ASIC2: variants seen among roughly 807,000 people sequenced by gnomAD.
ASIC2 encodes acid-sensing ion channel 2.
Under a neutral mutation model 57.3 loss-of-function variants are expected in ASIC2, and 25 were observed. The ratio of observed to expected loss-of-function variants is 0.44; its 90% CI spans 0.32 to 0.61. The LOEUF is 0.61. Among genes scored for constraint, ASIC2 ranks in the 20% least tolerant of loss-of-function variants. The pLI, the probability that ASIC2 is intolerant of heterozygous loss-of-function variation, is 0.06. For synonymous variants in ASIC2, 319 were observed against 307.5 expected (o/e 1.04, Z -0.39); for missense variants, 641 against 738.1 (o/e 0.87, Z 1.52).
At chr17:33,710,483 C>T (rs1342203891) in intron 1 of ASIC2, among the ~76,000 whole-genome samples, 1 of 152,216 alleles carries the variant, frequency 6.6e-6, no homozygotes, top group African/African-American at 2.4e-5. Flanking sequence ...TAGGTTGTGG[C>T]ACCTGTGGAC....
chr17:33,858,908 G>T (rs2141922245), intron 1 of ASIC2, among the ~76,000 whole-genome samples: 1 of 152,330 alleles, frequency 6.6e-6, no homozygotes, highest in African/African-American at 2.4e-5. Flanking sequence ...TCCCTACTCA[G>T]CCACATGAGT....
intron 1 of ASIC2, among the ~76,000 whole-genome samples, chr17:34,057,453 T>A (rs952563329): frequency 2.6e-5 from 4 of 151,974 alleles, no homozygotes; most frequent in African/African-American, 7.3e-5. Flanking sequence ...GCAGTAGAGG[T>A]GTGAGTGCCT....
intron 1 of ASIC2, among the ~76,000 whole-genome samples, chr17:33,471,707 C>G (rs1039577): frequency 2.0e-5 from 3 of 152,090 alleles, no homozygotes; most frequent in African/African-American, 7.2e-5. Context: ...AATATCTAAG[C>G]ATAACACAAG....
chr17:33,920,330 G>A (rs1915682015), intron 1 of ASIC2, among the ~76,000 whole-genome samples: 1 of 152,150 alleles, frequency 6.6e-6, no homozygotes. Context: ...AGATGGACTA[G>A]ATAAAGAAAA....
intron 1 of ASIC2, among the ~76,000 whole-genome samples, chr17:33,593,742 AG>A (rs1157640500): frequency 6.6e-6 from 1 of 152,212 alleles, no homozygotes; most frequent in Non-Finnish European, 1.5e-5. Flanking sequence ...AAGGGTAATA[AG>A]TAATTTTGAA....
At chr17:33,530,971 A>G (rs1915033282) in intron 1 of ASIC2, among the ~76,000 whole-genome samples, 1 of 152,206 alleles carries the variant, frequency 6.6e-6, no homozygotes. Flanking sequence ...CCATTTTACC[A>G]GTAGATAAGC....
intron 1 of ASIC2, among the ~76,000 whole-genome samples, chr17:34,023,378 A>AACACAC (rs59456457): frequency 0.016 from 2,401 of 147,534 alleles, 31 homozygotes; most frequent in East Asian, 0.063. Flanking sequence ...CTCTGTCACA[A>AACACAC]ACACACACAC....
Position 33,954,133 on chromosome 17 carries a change from A to G in ASIC2, c.555+201845T>C, listed in dbSNP as rs1904662255. On this transcript the variant is annotated intron_variant, in intron 1 of 9. Coordinates refer to the ASIC2 transcript ENST00000359872. ...AACTGTCCAGAGTTAACAACCAAGA[A>G]TGAGACAGGTTGGAACCCCAGGCTA... is the stretch of plus-strand genomic sequence containing the variant. 2.0e-5 allele frequency among the ~76,000 whole-genome samples: 3 copies of G among 152,224 alleles called. 1 individual carries two copies. The South Asian group carries it at 6.2e-4, about 32-fold the overall frequency.
intron 1 of ASIC2, among the ~76,000 whole-genome samples, chr17:33,114,637 G>A (rs1309743853): frequency 6.6e-6 from 1 of 152,174 alleles, no homozygotes; most frequent in African/African-American, 2.4e-5. Flanking sequence ...TGTGATCTTG[G>A]CCCTGCCAAA....
At chr17:34,086,109 T>C (rs1910104184) in intron 1 of ASIC2, among the ~76,000 whole-genome samples, 2 of 149,318 alleles carry the variant, frequency 1.3e-5, no homozygotes, top group African/African-American at 2.5e-5. Flanking sequence ...CTTGCTTTTC[T>C]AGTTCTTTTA....
At chr17:33,142,504 A>G (rs756707838) in intron 1 of ASIC2, among the ~76,000 whole-genome samples, 1 of 152,218 alleles carries the variant, frequency 6.6e-6, no homozygotes, top group Non-Finnish European at 1.5e-5. Context: ...TTGAACTCAT[A>G]GCAGGTCAAT....
chr17:34,001,300 T>G (rs1906331816), intron 1 of ASIC2: 1 of 152,534 alleles, frequency 6.6e-6, no homozygotes, highest in Non-Finnish European at 1.5e-5. Flanking sequence ...TGGGTGGGCT[T>G]GCTGCTGGAG....
chr17:34,054,431 T>C (rs751815238), intron 1 of ASIC2, among the ~76,000 whole-genome samples: 1 of 152,210 alleles, frequency 6.6e-6, no homozygotes, highest in African/African-American at 2.4e-5. Context: ...ATAGTGCTTT[T>C]TTCAAGCAAT....
chr17:33,736,220 A>G (rs1273657930), intron 1 of ASIC2, among the ~76,000 whole-genome samples: 7 of 151,978 alleles, frequency 4.6e-5, no homozygotes, highest in Non-Finnish European at 8.8e-5. Context: ...TCCTCCCACA[A>G]TGAGAGAAAA....
intron 1 of ASIC2, among the ~76,000 whole-genome samples, chr17:33,748,070 G>A (rs1910320556): frequency 6.6e-6 from 1 of 152,244 alleles, no homozygotes; most frequent in Non-Finnish European, 1.5e-5. Flanking sequence ...ACTTGCTAGA[G>A]AGCGCACGCC....
At chr17:33,351,675 C>A (rs1198828539) in intron 1 of ASIC2, among the ~76,000 whole-genome samples, 1 of 152,134 alleles carries the variant, frequency 6.6e-6, no homozygotes, top group East Asian at 1.9e-4. Context: ...TGGTGCCTGT[C>A]GAAATGCATT....
intron 1 of ASIC2, among the ~76,000 whole-genome samples, chr17:33,603,352 G>A (rs1187320742): frequency 1.3e-5 from 2 of 152,216 alleles, no homozygotes; most frequent in Admixed American, 6.5e-5. Flanking sequence ...CTTACACACT[G>A]CTTGGAAGGA....
At chr17:33,404,639 G>A (rs1006124911) in intron 1 of ASIC2, among the ~76,000 whole-genome samples, 6 of 152,294 alleles carry the variant, frequency 3.9e-5, no homozygotes, top group African/African-American at 1.4e-4. Flanking sequence ...TGAGTTGAGC[G>A]ACATTAAGAG....
rs192279259 is a variant in ASIC2, at chr17:33,572,974, G to A, written c.556-460907C>T. ...ACAACCATCTGCCTATCATATTTTG[G>A]AGTTGACTATGAAATGAACAAGGAT... is the stretch of plus-strand genomic sequence containing the variant. On this transcript the variant is annotated intron_variant, in intron 1 of 9. Transcript: ENST00000359872. Among the ~76,000 whole-genome samples, 3 of 152,304 alleles carry A rather than the reference G, an allele frequency of 2.0e-5. No homozygotes were observed. The East Asian group carries it at 5.8e-4, about 29-fold the overall frequency.
Sources: gnomAD v4.1 joint callset for allele counts (sites outside exome capture counted in the v4.1 genomes callset) on GRCh38, gnomAD v4.1.1 for gene constraint, MANE v1.5 for transcripts, NCBI Gene and HGNC (gene_info 2026-07-23, HGNC 2026-07-21) for gene names.